Variants in PPP1R9A observed in about 807,000 individuals in gnomAD.
The protein encoded by PPP1R9A is protein phosphatase 1 regulatory subunit 9A, also known as neurabin-1.
Under a neutral mutation model 141.9 loss-of-function variants are expected in PPP1R9A, and 59 were observed. The observed-to-expected ratio is 0.42, with a 90% CI of 0.34 to 0.52. PPP1R9A has a LOEUF of 0.52. PPP1R9A is among the 20% of genes least tolerant of loss of function. PPP1R9A has a pLI of 0.10. For missense variants in PPP1R9A, 1,444 were observed against 1,611.9 expected, an observed-to-expected ratio of 0.90 and a Z score of 1.78; for synonymous variants, 500 against 569.7, an observed-to-expected ratio of 0.88 and a Z score of 1.74.
intron 7 of PPP1R9A, among the ~76,000 whole-genome samples, chr7:95,219,610 G>A (rs1292784245): frequency 6.6e-6 from 1 of 151,800 alleles, no homozygotes; most frequent in Non-Finnish European, 1.5e-5. Flanking sequence ...ATAAAATCAG[G>A]AAATATTCTG....
At chr7:95,262,233 A>G (rs1173482367) in intron 12 of PPP1R9A, among the ~76,000 whole-genome samples, 6 of 152,334 alleles carry the variant, frequency 3.9e-5, no homozygotes, top group Non-Finnish European at 5.9e-5. Flanking sequence ...CCTAGCTCCC[A>G]TGACCCAGCT....
chr7:94,910,891 C>T lies in PPP1R9A; in HGVS notation c.778C>T (p.Pro260Ser), dbSNP rs1199747850. Reference protein sequence around the residue: ...GHLKDSNSWPPSNKRGVDTED... With the variant: ...GHLKDSNSWPSSNKRGVDTED... ...CCTGAAGGATTCTAATTCCTGGCCT[C>T]CTTCAAACAAGCGAGGTGTTGATAC... The change falls in exon 2 of 20, where the codon CCT (proline) becomes TCT (serine). Residue 260 changes from proline (P) to serine (S), a missense_variant. Physicochemically the swap from Pro to Ser is moderately conservative, Grantham distance 74 (BLOSUM62 -1). Transcript: ENST00000433360. The surrounding 1 kb of genome is among the most constrained non-coding windows in gnomAD (Gnocchi z 4.5). 1 of 1,614,026 alleles carries T rather than the reference C, an allele frequency of 6.2e-7. No homozygotes were observed.
intron 9 of PPP1R9A, among the ~76,000 whole-genome samples, chr7:95,249,647 AT>A (rs1798600979): frequency 6.6e-6 from 1 of 151,890 alleles, no homozygotes; most frequent in African/African-American, 2.4e-5. Flanking sequence ...TTTTTAGTTA[AT>A]TTTTTATATA....
intron 5 of PPP1R9A, among the ~76,000 whole-genome samples, chr7:95,195,134 A>G (rs1481521816): frequency 6.6e-6 from 1 of 152,166 alleles, no homozygotes; most frequent in African/African-American, 2.4e-5. Flanking sequence ...CACCCTTACC[A>G]CACATCATAC....
At chr7:94,963,065 A>G (rs924420088) in intron 2 of PPP1R9A, among the ~76,000 whole-genome samples, 1 of 152,156 alleles carries the variant, frequency 6.6e-6, no homozygotes, top group Non-Finnish European at 1.5e-5. Flanking sequence ...TAGTTATTCA[A>G]GATACTTGGG....
In PPP1R9A at chr7:95,214,170, A is replaced by G. The variant is rs1318201690; in HGVS notation, c.1956+10440A>G. 5 of 152,214 alleles carry G rather than the reference A, an allele frequency of 3.3e-5. No homozygotes were observed. The East Asian group carries it at 9.6e-4, about 29-fold the overall frequency. 9.4% of individuals were successfully genotyped at this position (152,214 alleles called of 1,614,324 possible). On this transcript the variant is annotated intron_variant, in intron 7 of 19. Coordinates refer to ENST00000433360, the MANE Select transcript of PPP1R9A (RefSeq NM_001166160.2). ...AAAACTTAGCAACTTAAAAGAAGAA[A>G]TATTTGTACATTACCGTGTCTGTGG...
intron 2 of PPP1R9A, among the ~76,000 whole-genome samples, chr7:95,063,562 T>A (rs556026362): frequency 8.4e-4 from 128 of 151,986 alleles, no homozygotes; most frequent in African/African-American, 1.1e-3. Flanking sequence ...AAGACTTTTT[T>A]AAAAAAAAAT....
intron 7 of PPP1R9A, among the ~76,000 whole-genome samples, chr7:95,224,897 G>A (rs1012621618): frequency 6.6e-6 from 1 of 152,032 alleles, no homozygotes; most frequent in Admixed American, 6.6e-5. Context: ...GTTAGATAAC[G>A]TGCTACCTGA....
At chr7:95,024,822 A>T (rs893695994) in intron 2 of PPP1R9A, among the ~76,000 whole-genome samples, 36 of 152,116 alleles carry the variant, frequency 2.4e-4, no homozygotes, top group African/African-American at 8.5e-4. Flanking sequence ...TGTCATTATG[A>T]TGCTAGCTGG....
intron 5 of PPP1R9A, among the ~76,000 whole-genome samples, chr7:95,172,603 C>T (rs541829062): frequency 6.6e-6 from 1 of 151,796 alleles, no homozygotes; most frequent in Non-Finnish European, 1.5e-5. Context: ...ACACTTAAAA[C>T]AACAAAATAT....
intron 7 of PPP1R9A, among the ~76,000 whole-genome samples, chr7:95,221,004 T>G (rs1452599902): frequency 6.6e-6 from 1 of 152,004 alleles, no homozygotes; most frequent in African/African-American, 2.4e-5. Flanking sequence ...AAAGGAAAAG[T>G]TTTACTTCAG....
intron 5 of PPP1R9A, among the ~76,000 whole-genome samples, chr7:95,169,318 A>G (rs762368568): frequency 7.9e-5 from 12 of 152,002 alleles, no homozygotes; most frequent in Non-Finnish European, 1.6e-4. Context: ...TTTCAGTCCT[A>G]TATAGGAGCT....
intron 12 of PPP1R9A, among the ~76,000 whole-genome samples, chr7:95,265,970 A>G (rs550365177): frequency 7.7e-4 from 117 of 152,262 alleles, no homozygotes; most frequent in African/African-American, 2.5e-3. Flanking sequence ...CCAGATTGCC[A>G]TTTTTGGGTT....
Position 95,251,871 on chromosome 7 carries a change from C to A in PPP1R9A, c.2493+13C>A. 6.2e-7 allele frequency: 1 copy of A among 1,612,448 alleles called. No individual in the cohort carries two copies. The highest frequency in any genetic ancestry group is 8.5e-7 in the Non-Finnish European group (1 of 1,179,564). On this transcript the variant is annotated intron_variant, in intron 11 of 19. Transcript: ENST00000433360. ...CCTCCAAGTGCGGGTAAGTTGTGTT[C>A]CCTAAGACACTAAATAATAAGATGG...
chr7:94,936,255 T>C (rs1794751037), intron 2 of PPP1R9A, among the ~76,000 whole-genome samples: 1 of 152,152 alleles, frequency 6.6e-6, no homozygotes, highest in Admixed American at 6.6e-5. Context: ...CTTCTCTAAA[T>C]TGAAAAGGTT....
chr7:95,231,367 A>G (rs527460444), intron 8 of PPP1R9A, among the ~76,000 whole-genome samples: 42 of 152,264 alleles, frequency 2.8e-4, no homozygotes, highest in African/African-American at 8.9e-4. Flanking sequence ...CAAAGAAACA[A>G]TAGGCTTAAA....
chr7:95,122,329 T>G (rs1431027926), intron 4 of PPP1R9A, among the ~76,000 whole-genome samples: 1 of 152,126 alleles, frequency 6.6e-6, no homozygotes, highest in African/African-American at 2.4e-5. Context: ...GTATTTTTAG[T>G]AGAGACGGGG....
chr7:95,150,107 T>A (rs1828382291), intron 4 of PPP1R9A, among the ~76,000 whole-genome samples: 1 of 135,342 alleles, frequency 7.4e-6, no homozygotes, highest in African/African-American at 2.8e-5. Flanking sequence ...TTAGAGAAAA[T>A]ACAGTCTTTT....
chr7:95,280,696 G>T (rs965989608), intron 16 of PPP1R9A, among the ~76,000 whole-genome samples: 1 of 152,010 alleles, frequency 6.6e-6, no homozygotes, highest in Non-Finnish European at 1.5e-5. Context: ...AGAAGGTGAA[G>T]GGAATATAGA....
Sources: allele counts gnomAD v4.1 joint callset (sites outside exome capture counted in the v4.1 genomes callset), GRCh38; gene constraint gnomAD v4.1.1; non-coding constraint Gnocchi (gnomAD v3.1); transcripts MANE v1.5; gene names NCBI Gene and HGNC (gene_info 2026-07-23, HGNC 2026-07-21).